Variants in NBEA observed in about 807,000 individuals in gnomAD.
NBEA encodes neurobeachin.
Under a neutral mutation model 343.4 loss-of-function variants are expected in NBEA, and 44 were observed. The ratio of observed to expected loss-of-function variants is 0.13; its 90% CI spans 0.10 to 0.16. The LOEUF (loss-of-function observed/expected upper bound fraction) is 0.16. Ranked by LOEUF, NBEA falls within the 10% of genes least tolerant of loss-of-function variation. The pLI is 1.00. For missense variants in NBEA, 2,555 were observed against 3,631.3 expected (o/e 0.70, Z 7.62); for synonymous variants, 1,175 against 1,238.7 (o/e 0.95, Z 1.08).
At position 35,651,609 on chromosome 13, in the gene NBEA, G is replaced by A. The variant is rs74930583; in HGVS notation, c.7964-196G>A. 4.8e-3 allele frequency among the ~76,000 whole-genome samples: 725 copies of A among 152,172 alleles called. 6 individuals are homozygous for A. The highest frequency in any genetic ancestry group is 0.016 in the African/African-American group (664 of 41,502). On this transcript the variant is annotated intron_variant, in intron 52 of 58. Coordinates refer to ENST00000379939, the MANE Select transcript of NBEA (RefSeq NM_001385012.1). ...AAAACTCTTCCCAGCCTTGTACATC[G>A]TAAGTGGAAACCTGAAGTCCCTGTT...
chr13:35,117,527 A>G (rs1280696459), intron 14 of NBEA, 34 bp downstream of exon 14: 11 of 1,040,584 alleles, frequency 1.1e-5, no homozygotes, highest in Non-Finnish European at 1.3e-5. Context: ...AAATAATAGT[A>G]TATTAGGTAG....
At chr13:35,329,883 G>T (rs1335125470) in intron 36 of NBEA, among the ~76,000 whole-genome samples, 1 of 151,860 alleles carries the variant, frequency 6.6e-6, no homozygotes. Flanking sequence ...TACCCAGAAG[G>T]CCTTCGCTTA....
intron 40 of NBEA, among the ~76,000 whole-genome samples, chr13:35,471,858 C>G (rs998102343): frequency 6.6e-6 from 1 of 150,958 alleles, no homozygotes; most frequent in African/African-American, 2.4e-5. Flanking sequence ...GTGTGTGTAG[C>G]GCGCCTTAGG....
intron 25 of NBEA, among the ~76,000 whole-genome samples, chr13:35,169,595 A>G (rs2070310482): frequency 6.6e-6 from 1 of 151,702 alleles, no homozygotes; most frequent in Non-Finnish European, 1.5e-5. Context: ...ATAGAGAGAT[A>G]GCTATCTGCA....
At chr13:35,301,021 C>A (rs2036504187) in intron 35 of NBEA, among the ~76,000 whole-genome samples, 1 of 152,068 alleles carries the variant, frequency 6.6e-6, no homozygotes, top group African/African-American at 2.4e-5. Flanking sequence ...CTTTAAAAAC[C>A]ACATGCAATC....
At chr13:35,280,418 C>G (rs1357308642) in intron 34 of NBEA, among the ~76,000 whole-genome samples, 1 of 151,964 alleles carries the variant, frequency 6.6e-6, no homozygotes, top group Non-Finnish European at 1.5e-5. Context: ...ATCCCTAGGT[C>G]AGTTTTTCTC....
intron 1 of NBEA, among the ~76,000 whole-genome samples, chr13:34,990,438 C>T (rs2152515212): frequency 6.6e-6 from 1 of 151,318 alleles, no homozygotes; most frequent in East Asian, 1.9e-4. Flanking sequence ...AAGTTTGCAG[C>T]TTGCACCATC....
At chr13:35,172,419 T>C (rs919055347) in intron 26 of NBEA, among the ~76,000 whole-genome samples, 32 of 151,968 alleles carry the variant, frequency 2.1e-4, no homozygotes, top group Admixed American at 2.6e-4. Flanking sequence ...CATTGACATA[T>C]AACAAGAGCT....
chr13:35,235,954 C>T (rs1366336964), intron 34 of NBEA, among the ~76,000 whole-genome samples: 1 of 151,864 alleles, frequency 6.6e-6, no homozygotes, highest in Admixed American at 6.6e-5. Flanking sequence ...TTTTGTGTTC[C>T]CCTGGCAGTA....
intron 53 of NBEA, among the ~76,000 whole-genome samples, chr13:35,652,855 C>T (rs534580794): frequency 1.1e-4 from 17 of 150,842 alleles, no homozygotes; most frequent in South Asian, 2.1e-4. Flanking sequence ...CCACCGCGCC[C>T]GGCTAATTTT....
intron 49 of NBEA, among the ~76,000 whole-genome samples, chr13:35,641,543 A>G (rs544233326): frequency 2.6e-5 from 4 of 152,354 alleles, no homozygotes; most frequent in Non-Finnish European, 5.9e-5. Context: ...TCTTGCAGAC[A>G]TAAAGTTGAT....
At chr13:35,526,682 A>T (rs917275883) in intron 41 of NBEA, among the ~76,000 whole-genome samples, 6 of 152,164 alleles carry the variant, frequency 3.9e-5, no homozygotes, top group Non-Finnish European at 8.8e-5. Flanking sequence ...GGCTATGCTA[A>T]GCTTGCACTA....
At chr13:35,536,060 T>A (rs2078524797) in intron 41 of NBEA, among the ~76,000 whole-genome samples, 1 of 152,054 alleles carries the variant, frequency 6.6e-6, no homozygotes, top group Admixed American at 6.5e-5. Flanking sequence ...GAAAGAAAAA[T>A]AAATTCTCAT....
chr13:35,118,371 A>T lies in NBEA; in HGVS notation c.2146-6A>T, dbSNP rs748057972. On this transcript the variant is annotated splice_region_variant and splice_polypyrimidine_tract_variant and intron_variant, in intron 15 of 58. Transcript: ENST00000379939. ...AATTTTAAATCAACATTGGTGATTT[A>T]TGCAGGATGAAAATATTCATGATGT... is the stretch of plus-strand genomic sequence containing the variant. 3.1e-6 allele frequency: 5 copies of T among 1,599,114 alleles called. No individual in the cohort carries two copies. The highest frequency in any genetic ancestry group is 4.3e-6 in the Non-Finnish European group (5 of 1,172,354).
chr13:35,038,146 T>A (rs887107349), intron 1 of NBEA, among the ~76,000 whole-genome samples: 4 of 152,154 alleles, frequency 2.6e-5, no homozygotes, highest in Non-Finnish European at 4.4e-5. Flanking sequence ...CCTTAGCCAC[T>A]GCCACTCCTG....
intron 35 of NBEA, among the ~76,000 whole-genome samples, chr13:35,300,808 C>A (rs1428280877): frequency 6.6e-6 from 1 of 152,054 alleles, no homozygotes; most frequent in African/African-American, 2.4e-5. Flanking sequence ...GAGAAGATGC[C>A]CTTTGTTACA....
At chr13:35,323,740 AAATAT>A (rs1272728278) in intron 36 of NBEA, among the ~76,000 whole-genome samples, 2 of 151,852 alleles carry the variant, frequency 1.3e-5, no homozygotes, top group Admixed American at 1.3e-4. Context: ...AAATAAAATA[AAATAT>A]ATCTACTTAT....
rs184854377 is a variant in NBEA, at chr13:34,982,831, T to C, written c.294+39717T>C. On this transcript the variant is annotated intron_variant, in intron 1 of 58. Transcript: ENST00000379939. ...TTCATATATTTTATGGTTTCACCTA[T>C]GGGTTTTTTTTGCTTAATTTTATCA... is the stretch of plus-strand genomic sequence containing the variant. Among the ~76,000 whole-genome samples the C allele has an allele frequency of 2.8e-3, 428 of 152,322 alleles. 2 individuals carry two copies. Among genetic ancestry groups the C allele is most frequent in the Middle Eastern group, 0.017 (5 of 294 alleles).
intron 35 of NBEA, among the ~76,000 whole-genome samples, chr13:35,308,466 A>ATGTG (rs1484247494): frequency 1.8e-5 from 2 of 112,158 alleles, no homozygotes; most frequent in Non-Finnish European, 3.5e-5. Flanking sequence ...ATATATATAT[A>ATGTG]TATATATGTA....
Sources: allele counts gnomAD v4.1 joint callset (sites outside exome capture counted in the v4.1 genomes callset), GRCh38; gene constraint gnomAD v4.1.1; transcripts MANE v1.5; gene names NCBI Gene and HGNC (gene_info 2026-07-23, HGNC 2026-07-21).